The following TAOK3 variants were observed in gnomAD, a reference collection of about 807,000 sequenced individuals.
TAOK3 encodes the protein serine/threonine-protein kinase TAO3.
In TAOK3, 40 loss-of-function variants were observed where a neutral mutation model predicts 120.4. The observed-to-expected ratio is 0.33, with a 90% CI of 0.26 to 0.43. TAOK3 has a LOEUF of 0.43. Among genes scored for constraint, TAOK3 ranks in the 20% least tolerant of loss-of-function variants. TAOK3 has a pLI of 1.00. For missense variants in TAOK3, 821 were observed against 1,112.1 expected, an observed-to-expected ratio of 0.74 and a Z score of 3.72; for synonymous variants, 355 against 387.5, an observed-to-expected ratio of 0.92 and a Z score of 0.99.
intron 9 of TAOK3, among the ~76,000 whole-genome samples, chr12:118,228,391 A>T (rs2039609065): frequency 6.6e-6 from 1 of 152,086 alleles, no homozygotes; most frequent in African/African-American, 2.4e-5. Flanking sequence ...ACCTCAGGTG[A>T]TCCATCTGCC....
In TAOK3 at chr12:118,283,164, G is replaced by C. The variant is rs752190609; in HGVS notation, c.-193-16405C>G. 1.6e-4 allele frequency among the ~76,000 whole-genome samples: 24 copies of C among 152,164 alleles called. 1 individual carries two copies. The highest frequency in any genetic ancestry group is 2.9e-5 in the Non-Finnish European group (2 of 68,030). On this transcript the variant is annotated intron_variant, in intron 1 of 20. Coordinates refer to ENST00000392533, the MANE Select transcript of TAOK3 (RefSeq NM_016281.4). The stretch of plus-strand genomic sequence containing the variant: ...TTTTATAAGAGGTATAGTAGCTGAA[G>C]CAGTGCTCAAGTATTCATTCATTCT...
intron 1 of TAOK3, chr12:118,359,859 T>C (rs1271073123): frequency 6.6e-6 from 1 of 152,182 alleles, no homozygotes; most frequent in Non-Finnish European, 1.5e-5. Context: ...CTTGGGCTAA[T>C]ACCGAGAGAC....
chr12:118,316,621 G>C (rs2043471945), intron 1 of TAOK3, among the ~76,000 whole-genome samples: 1 of 149,662 alleles, frequency 6.7e-6, no homozygotes, highest in African/African-American at 2.5e-5. Context: ...TTACAATTTT[G>C]TCCAGGCTGG....
At chr12:118,151,722 C>T (rs140049060) in intron 20 of TAOK3, among the ~76,000 whole-genome samples, 3 of 152,208 alleles carry the variant, frequency 2.0e-5, no homozygotes, top group Admixed American at 1.3e-4. Flanking sequence ...TTTTCTACTT[C>T]ATATTCCTCA....
chr12:118,166,814 GTA>G (rs535817182), intron 17 of TAOK3, among the ~76,000 whole-genome samples: 64 of 139,050 alleles, frequency 4.6e-4, no homozygotes, highest in African/African-American at 1.4e-3. Flanking sequence ...GTGTGTGTGT[GTA>G]TATATATATA....
chr12:118,260,824 G>A (rs1282909309), intron 2 of TAOK3, among the ~76,000 whole-genome samples: 1 of 152,112 alleles, frequency 6.6e-6, no homozygotes, highest in East Asian at 1.9e-4. Flanking sequence ...GGAATTACAG[G>A]CATGCGCCAC....
intron 1 of TAOK3, among the ~76,000 whole-genome samples, chr12:118,280,545 C>T (rs1285562704): frequency 6.6e-6 from 1 of 152,130 alleles, no homozygotes; most frequent in Non-Finnish European, 1.5e-5. Context: ...TTCTGTTCCA[C>T]TGGTCTATGT....
intron 1 of TAOK3, among the ~76,000 whole-genome samples, chr12:118,369,915 G>T (rs887688871): frequency 4.0e-5 from 6 of 151,886 alleles, no homozygotes; most frequent in African/African-American, 9.7e-5. Flanking sequence ...CTGCTCTGTC[G>T]CCAGGCTGGA....
intron 1 of TAOK3, among the ~76,000 whole-genome samples, chr12:118,293,984 C>T (rs1324991931): frequency 6.6e-6 from 1 of 151,776 alleles, no homozygotes; most frequent in Non-Finnish European, 1.5e-5. Flanking sequence ...CATTGCACTC[C>T]AGCCTAGGCA....
rs1193042641 is a variant in TAOK3 at position 118,255,487 on chromosome 12, C to G, written c.81G>C (p.Leu27Phe). 6.2e-7 allele frequency: 1 copy of G among 1,613,966 alleles called. No homozygotes were observed. The highest frequency in any genetic ancestry group is 1.3e-5 in the African/African-American group (1 of 74,896). ...CAAAACTTCCATGTCCAATTTCATG[C>G]AAACCAATAAAAAGTTCCTCAGGAT... ...KDDPEELFIG[L>F]HEIGHGSFGA... is the part of the protein sequence containing the mutation. The change falls in exon 3 of 21, where the codon TTG becomes TTC. Residue 27 changes from leucine to phenylalanine, a missense_variant. Around this residue, in one of 2 missense-constraint regions of TAOK3, gnomAD observed 467 missense variants for 540.0 expected, o/e 0.86. Coordinates refer to ENST00000392533, the MANE Select transcript of TAOK3 (RefSeq NM_016281.4).
At chr12:118,270,692 G>C (rs1354749926) in intron 1 of TAOK3, among the ~76,000 whole-genome samples, 1 of 36,686 alleles carries the variant, frequency 2.7e-5, no homozygotes, top group Non-Finnish European at 5.0e-5. Context: ...TTTTTTTTTT[G>C]AGACAAAGTC....
intron 19 of TAOK3, among the ~76,000 whole-genome samples, chr12:118,154,692 T>C (rs1289791251): frequency 6.6e-6 from 1 of 151,998 alleles, no homozygotes; most frequent in Non-Finnish European, 1.5e-5. Context: ...CCGCCTGCCT[T>C]GGCCTCCCAA....
At chr12:118,242,881 A>AAC (rs1233458630) in intron 5 of TAOK3, among the ~76,000 whole-genome samples, 1 of 151,152 alleles carries the variant, frequency 6.6e-6, no homozygotes, top group African/African-American at 2.4e-5. Flanking sequence ...CAAACAAACA[A>AAC]AATATATATA....
At chr12:118,203,092 T>TA (rs1291418187) in intron 11 of TAOK3, among the ~76,000 whole-genome samples, 1 of 152,050 alleles carries the variant, frequency 6.6e-6, no homozygotes, top group Admixed American at 6.6e-5. Context: ...GTTCTATTCT[T>TA]ATTATAACTT....
At chr12:118,345,644 C>T (rs921240055) in intron 1 of TAOK3, among the ~76,000 whole-genome samples, 4 of 151,720 alleles carry the variant, frequency 2.6e-5, no homozygotes, top group Non-Finnish European at 5.9e-5. Flanking sequence ...GCCATGAGTG[C>T]CTTTGTCAGG....
intron 20 of TAOK3, 33 bp from the exon 21 acceptor site, chr12:118,151,191 A>G: frequency 6.2e-7 from 1 of 1,605,696 alleles, no homozygotes. Context: ...CTTAATGGAA[A>G]GCATCTCCTA....
intron 19 of TAOK3, among the ~76,000 whole-genome samples, chr12:118,154,835 C>G (rs370833539): frequency 2.0e-5 from 3 of 152,238 alleles, no homozygotes; most frequent in South Asian, 2.1e-4. Context: ...AATGTAGAAG[C>G]AGCCAAGCAT....
intron 17 of TAOK3, among the ~76,000 whole-genome samples, chr12:118,162,840 G>A (rs950110320): frequency 1.3e-5 from 2 of 152,098 alleles, no homozygotes; most frequent in African/African-American, 4.8e-5. Flanking sequence ...TAGAAAAAAG[G>A]GGAAGTTGGG....
chr12:118,295,009 T>A (rs972175441), intron 1 of TAOK3, among the ~76,000 whole-genome samples: 4 of 152,016 alleles, frequency 2.6e-5, no homozygotes, highest in Non-Finnish European at 5.9e-5. Context: ...AATATGGAGT[T>A]CAGAAGTGAG....
Sources: gnomAD v4.1 joint callset for allele counts (sites outside exome capture counted in the v4.1 genomes callset) on GRCh38, gnomAD v4.1.1 for gene constraint, gnomAD v4.1.1 regional missense constraint, MANE v1.5 for transcripts, NCBI Gene and HGNC (gene_info 2026-07-23, HGNC 2026-07-21) for gene names.